TENM3: variants seen among roughly 807,000 people sequenced by gnomAD.
TENM3 encodes teneurin transmembrane protein 3.
In TENM3, 63 loss-of-function variants were observed where a neutral mutation model predicts 255.1. The ratio of observed to expected loss-of-function variants is 0.25; its 90% confidence interval spans 0.20 to 0.30. The LOEUF is 0.30. Ranked by LOEUF, TENM3 falls within the 10% of genes least tolerant of loss-of-function variation. The pLI is 1.00. For synonymous variants in TENM3, 1,306 were observed against 1,322.3 expected (o/e 0.99, Z 0.27); for missense variants, 2,929 against 3,461.1 (o/e 0.85, Z 3.86).
chr4:181,538,663 C>T, the TENM3 span, among the ~76,000 whole-genome samples: 1 of 152,096 alleles, frequency 6.6e-6, no homozygotes, highest in Non-Finnish European at 1.5e-5. Context: ...GAGCTGTGAC[C>T]AGCACACGGA....
intron 3 of TENM3, among the ~76,000 whole-genome samples, chr4:182,584,148 C>T (rs569850021): frequency 3.2e-4 from 48 of 152,330 alleles, no homozygotes; most frequent in Middle Eastern, 3.4e-3. Context: ...ATAAAAATCA[C>T]ACACACTTCA....
At chr4:182,457,856 C>T (rs1042861603) in intron 3 of TENM3, among the ~76,000 whole-genome samples, 3 of 152,214 alleles carry the variant, frequency 2.0e-5, no homozygotes, top group Admixed American at 1.3e-4. Flanking sequence ...CCACCACATC[C>T]GGCCTGTCTT....
chr4:181,962,356 T>C, the TENM3 span, among the ~76,000 whole-genome samples: 1 of 152,194 alleles, frequency 6.6e-6, no homozygotes, highest in Non-Finnish European at 1.5e-5. Context: ...GCAGATCGGA[T>C]CTCTGTGCTT....
At chr4:181,701,956 C>G in the TENM3 span, among the ~76,000 whole-genome samples, 1,774 of 152,222 alleles carry the variant, frequency 0.012, 37 homozygotes, top group African/African-American at 0.04. Context: ...GGGTCCTTGT[C>G]CAGTTTGCCA....
At chr4:182,251,296 C>T (rs1757996978) in intron 1 of TENM3, among the ~76,000 whole-genome samples, 1 of 152,064 alleles carries the variant, frequency 6.6e-6, no homozygotes, top group South Asian at 2.1e-4. Context: ...ATAGCGAGAC[C>T]CTGTCTCTAC....
At chr4:181,672,835 A>C in the TENM3 span, among the ~76,000 whole-genome samples, 2 of 152,176 alleles carry the variant, frequency 1.3e-5, no homozygotes, top group Non-Finnish European at 2.9e-5. Context: ...GCAGAAGTAG[A>C]AACTGAAGCT....
intron 3 of TENM3, among the ~76,000 whole-genome samples, chr4:182,534,015 G>A (rs1359383721): frequency 6.6e-6 from 1 of 152,166 alleles, no homozygotes; most frequent in African/African-American, 2.4e-5. Flanking sequence ...AGTGCTTTCA[G>A]TGATACAAAA....
chr4:182,670,638 C>T lies in TENM3; in HGVS notation c.1112-2367C>T, dbSNP rs77324133. Among the ~76,000 whole-genome samples the T allele has an allele frequency of 3.4e-3, 520 of 152,244 alleles. 2 individuals carry two copies. Among genetic ancestry groups the T allele is most frequent in the African/African-American group, 0.012 (478 of 41,536 alleles). ...CGTGTGTCATGTAGGATGCAGTAGT[C>T]CAGATGGAAAGCAATTCTAACATTT... On this transcript the variant is annotated intron_variant, in intron 6 of 27. Transcript: ENST00000511685.
chr4:182,246,278 A>C (rs1757637719), intron 1 of TENM3, among the ~76,000 whole-genome samples: 1 of 152,314 alleles, frequency 6.6e-6, no homozygotes, highest in East Asian at 1.9e-4. Flanking sequence ...GAATTTTTTA[A>C]AAAGAAGTCA....
intron 3 of TENM3, among the ~76,000 whole-genome samples, chr4:182,353,707 C>T (rs1201336530): frequency 3.9e-5 from 6 of 152,286 alleles, no homozygotes; most frequent in Middle Eastern, 3.4e-3. Flanking sequence ...GTGGCTCACG[C>T]CTGTAATCCC....
the TENM3 span, among the ~76,000 whole-genome samples, chr4:181,869,889 T>A: frequency 6.6e-6 from 1 of 152,082 alleles, no homozygotes. Context: ...CTTAAAAAAA[T>A]GTTGGAAATT....
chr4:181,775,847 C>T, the TENM3 span, among the ~76,000 whole-genome samples: 6 of 152,026 alleles, frequency 3.9e-5, no homozygotes, highest in African/African-American at 1.4e-4. Flanking sequence ...TTGTTATATG[C>T]ATAGGATTTG....
chr4:181,713,390 C>T, the TENM3 span, among the ~76,000 whole-genome samples: 1 of 152,108 alleles, frequency 6.6e-6, no homozygotes, highest in African/African-American at 2.4e-5. Context: ...TTCTGAAACC[C>T]CATTATGTGG....
the TENM3 span, among the ~76,000 whole-genome samples, chr4:181,955,659 G>C: frequency 6.6e-6 from 1 of 152,198 alleles, no homozygotes; most frequent in Non-Finnish European, 1.5e-5. Flanking sequence ...AGATGACAAA[G>C]GGGCGCAGGT....
At chr4:182,098,351 G>A in the TENM3 span, among the ~76,000 whole-genome samples, 1 of 152,092 alleles carries the variant, frequency 6.6e-6, no homozygotes. Context: ...CCAAGAGAAA[G>A]GAAATCAGTA....
At chr4:182,316,168 A>G (rs1259389828) in intron 1 of TENM3, among the ~76,000 whole-genome samples, 1 of 152,150 alleles carries the variant, frequency 6.6e-6, no homozygotes, top group Non-Finnish European at 1.5e-5. Flanking sequence ...GGATATTTTT[A>G]TATTTCTGTA....
rs532045857 is a variant in TENM3 at position 182,498,877 on chromosome 4, G to A, written c.512-102047G>A. 9.2e-5 allele frequency among the ~76,000 whole-genome samples: 14 copies of A among 151,946 alleles called. No homozygotes were observed. In the South Asian group the frequency reaches 1.9e-3, roughly 20 times the overall value. ...TCTAAAAAAAAAAAAAATTCTCAGC[G>A]TCTTATTAAGAGTCAGTTTTAAAAT... On this transcript the variant is annotated intron_variant, in intron 3 of 27. Transcript: ENST00000511685.
chr4:182,338,580 T>G (rs1764285660), intron 2 of TENM3, among the ~76,000 whole-genome samples: 1 of 152,166 alleles, frequency 6.6e-6, no homozygotes, highest in South Asian at 2.1e-4. Context: ...TCAAAAGAAT[T>G]GAAATCATAT....
At chr4:182,769,602 T>G (rs1764010561) in intron 22 of TENM3, among the ~76,000 whole-genome samples, 1 of 149,494 alleles carries the variant, frequency 6.7e-6, no homozygotes, top group Non-Finnish European at 1.5e-5. Context: ...GCCAAGATGG[T>G]GAAACCCCGT....
Sources: allele counts gnomAD v4.1 joint callset (sites outside exome capture counted in the v4.1 genomes callset), GRCh38; gene constraint gnomAD v4.1.1; transcripts MANE v1.5; gene names NCBI Gene and HGNC (gene_info 2026-07-23, HGNC 2026-07-21).